The following OR7E24 variants were observed in gnomAD, a reference collection of about 807,000 sequenced individuals.
OR7E24 encodes olfactory receptor 7E24.
For synonymous variants in OR7E24, 130 were observed against 157.5 expected, an observed-to-expected ratio of 0.83 and a Z score of 1.31; for missense variants, 385 against 410.3, an observed-to-expected ratio of 0.94 and a Z score of 0.53.
the OR7E24 span, chr19:9,235,307 T>A: frequency 9.5e-6 from 12 of 1,257,430 alleles, no homozygotes; most frequent in Non-Finnish European, 1.4e-5. Flanking sequence ...GACTCCCACC[T>A]CCACAGCCCC....
At chr19:9,223,605 G>T in the OR7E24 span, among the ~76,000 whole-genome samples, 7 of 150,582 alleles carry the variant, frequency 4.6e-5, no homozygotes, top group Non-Finnish European at 8.8e-5. Context: ...CCTTTGCAGA[G>T]ATTTTTTCTA....
the OR7E24 span, among the ~76,000 whole-genome samples, chr19:9,218,057 A>G: frequency 2.0e-5 from 3 of 152,184 alleles, no homozygotes; most frequent in Non-Finnish European, 4.4e-5. Flanking sequence ...ACATTGGTCA[A>G]CTTATATTTA....
At chr19:9,217,847 G>T in the OR7E24 span, among the ~76,000 whole-genome samples, 1 of 152,060 alleles carries the variant, frequency 6.6e-6, no homozygotes, top group East Asian at 1.9e-4. Flanking sequence ...CCGGATCATT[G>T]TTAATTAGGG....
the OR7E24 span, among the ~76,000 whole-genome samples, chr19:9,239,687 T>C: frequency 1.3e-5 from 2 of 151,476 alleles, no homozygotes; most frequent in African/African-American, 4.9e-5. Flanking sequence ...ACAGTCTTAA[T>C]ATTCTTTCTT....
Position 9,251,317 on chromosome 19 carries a change from A to T in OR7E24, c.274A>T (p.Thr92Ser), listed in dbSNP as rs763650671. The T allele has an allele frequency of 1.2e-6, 2 of 1,613,874 alleles. No homozygotes were observed. The highest frequency in any genetic ancestry group is 4.5e-5 in the East Asian group (2 of 44,868). The change falls in exon 1 of 1, where the codon ACC becomes TCC. Residue 92 changes from threonine to serine, a missense_variant. Physicochemically the swap from Thr to Ser is moderately conservative, Grantham distance 58. Coordinates refer to ENST00000456448, the MANE Select transcript of OR7E24 (RefSeq NM_001079935.2). ...SNLSLADIGF[T>S]STTVPKMIVD... ...CCTGTCCTTGGCTGACATCGGTTTCACCTCCACCACGGTCCCCAAGATGAT... is the reference window on the plus strand; with the variant it reads ...CCTGTCCTTGGCTGACATCGGTTTCTCCTCCACCACGGTCCCCAAGATGAT...
the OR7E24 span, among the ~76,000 whole-genome samples, chr19:9,215,369 C>CT: frequency 7.1e-6 from 1 of 141,780 alleles, no homozygotes; most frequent in Non-Finnish European, 1.6e-5. Flanking sequence ...AAAAAAACCT[C>CT]TTTTTTTCAT....
chr19:9,232,791 G>A, the OR7E24 span, among the ~76,000 whole-genome samples: 1 of 152,030 alleles, frequency 6.6e-6, no homozygotes, highest in Non-Finnish European at 1.5e-5. Context: ...TTTCCTTGGC[G>A]TGAGGCAGCG....
At chr19:9,235,720 C>T in the OR7E24 span, 1 of 1,605,062 alleles carries the variant, frequency 6.2e-7, no homozygotes. Context: ...CTCTGATGCT[C>T]TCCTCATTAA....
At chr19:9,216,070 A>G in the OR7E24 span, among the ~76,000 whole-genome samples, 42 of 152,308 alleles carry the variant, frequency 2.8e-4, 2 homozygotes, top group African/African-American at 9.6e-4. Context: ...TAGAACCATA[A>G]GATCTCATGA....
chr19:9,216,017 G>A, the OR7E24 span, among the ~76,000 whole-genome samples: 3 of 152,064 alleles, frequency 2.0e-5, no homozygotes, highest in Non-Finnish European at 4.4e-5. Flanking sequence ...CATGGATGGT[G>A]GCAGGCAAAG....
the OR7E24 span, among the ~76,000 whole-genome samples, chr19:9,225,777 A>G: frequency 6.6e-6 from 1 of 152,314 alleles, no homozygotes; most frequent in Non-Finnish European, 1.5e-5. Context: ...TTACTTATCC[A>G]TTTCAGAATG....
chr19:9,252,186 T>C lies in OR7E24; in HGVS notation c.*123T>C. On this transcript the variant is annotated 3_prime_UTR_variant, in exon 1 of 1. Transcript: ENST00000456448. ...TATGTGAATATTGCTTGCTTTGTTT[T>C]GTCTTTAATTGCAATGGGTGAGTAT... The C allele has an allele frequency of 1.3e-6, 1 of 743,744 alleles. No individual in the cohort carries two copies. Among genetic ancestry groups the C allele is most frequent in the Non-Finnish European group, 2.2e-6 (1 of 463,604 alleles). The allele number at this position is 743,744 out of a possible 1,614,324, so 46.1% of individuals were successfully genotyped here. A position where few individuals can be genotyped will look rare whatever the true frequency, so the allele number is the denominator to read the frequency against.
rs1384129831 is a variant in OR7E24, at chr19:9,251,280, C to T, written c.237C>T (p.Phe79=). The change falls in exon 1 of 1, where the codon TTC becomes TTT. Residue 79 remains phenylalanine (F), a synonymous_variant. Coordinates refer to ENST00000456448, the MANE Select transcript of OR7E24 (RefSeq NM_001079935.2). ...SDSHLHTPMY[F]FLSNLSLADI... ...CCCACCTCCACACCCCCATGTACTTCTTCCTCTCCAACCTGTCCTTGGCTG... is the reference window on the plus strand; with the variant it reads ...CCCACCTCCACACCCCCATGTACTTTTTCCTCTCCAACCTGTCCTTGGCTG... 2.2e-5 allele frequency: 36 copies of T among 1,614,094 alleles called. No individual in the cohort carries two copies. Among genetic ancestry groups the T allele is most frequent in the Non-Finnish European group, 2.9e-5 (34 of 1,180,004 alleles).
At chr19:9,223,820 G>A in the OR7E24 span, among the ~76,000 whole-genome samples, 435 of 150,214 alleles carry the variant, frequency 2.9e-3, 1 homozygote, top group Non-Finnish European at 5.5e-3. Flanking sequence ...GTGTTGGTGC[G>A]ATAATGGTGA....
chr19:9,247,869 AT>A (rs1486404075), upstream of OR7E24, among the ~76,000 whole-genome samples: 2 of 152,156 alleles, frequency 1.3e-5, no homozygotes, highest in African/African-American at 4.8e-5. Context: ...GTGATGTTGA[AT>A]ATCACTTTGT....
the OR7E24 span, among the ~76,000 whole-genome samples, chr19:9,221,259 G>A: frequency 1.2e-4 from 18 of 146,440 alleles, no homozygotes; most frequent in South Asian, 2.2e-4. Flanking sequence ...GTGACAGAGC[G>A]AGACTCGTCT....
At chr19:9,219,057 G>C in the OR7E24 span, 2 of 152,236 alleles carry the variant, frequency 1.3e-5, no homozygotes, top group African/African-American at 4.8e-5. Context: ...GCTAGTAAGT[G>C]CTGTAAATAA....
At chr19:9,247,647 G>A, upstream of OR7E24, 1 of 397,740 alleles carries the variant, frequency 2.5e-6, no homozygotes, top group Non-Finnish European at 4.4e-6. Flanking sequence ...TATGTTCGGG[G>A]TTTATTTTCA....
At chr19:9,229,002 A>G in the OR7E24 span, among the ~76,000 whole-genome samples, 1 of 152,234 alleles carries the variant, frequency 6.6e-6, no homozygotes, top group Admixed American at 6.5e-5. Context: ...TGATGGTTTC[A>G]AGGATGTATG....
Sources: gnomAD v4.1 joint callset for allele counts (sites outside exome capture counted in the v4.1 genomes callset) on GRCh38, gnomAD v4.1.1 for gene constraint, MANE v1.5 for transcripts, NCBI Gene and HGNC (gene_info 2026-07-23, HGNC 2026-07-21) for gene names.